Variants in ANGPT2 observed in about 807,000 individuals in gnomAD.
ANGPT2 encodes angiopoietin-2.
A neutral mutation model predicts 62.9 loss-of-function variants in ANGPT2; 28 were observed. The observed-to-expected ratio is 0.44, with a 90% CI of 0.33 to 0.61. The LOEUF is 0.61. ANGPT2 is among the 20% of genes least tolerant of loss of function. The pLI is 0.03. For synonymous variants in ANGPT2, 284 were observed against 207.8 expected (o/e 1.37, Z -3.15); for missense variants, 727 against 594.9 (o/e 1.22, Z -2.31).
At chr8:6,532,306 C>T (rs759673591) in intron 2 of ANGPT2, 26 bp downstream of exon 2, 4 of 1,613,798 alleles carry the variant, frequency 2.5e-6, no homozygotes, top group Non-Finnish European at 2.5e-6. Context: ...GCAGGGACAC[C>T]GTGTGCTTTA....
rs939512385 is a variant in ANGPT2, at chr8:6,522,240, A to G, written c.567-830T>C. ...CGTGGTGGCGGGCGCCTGTAGTCAC[A>G]GCTACTCTGGAGGCTGAGGCAGGAG... On this transcript the variant is annotated intron_variant, in intron 3 of 8. Transcript: ENST00000629816. Among the ~76,000 whole-genome samples the G allele has an allele frequency of 2.5e-4, 38 of 152,164 alleles. 1 individual carries two copies. The highest frequency in any genetic ancestry group is 1.4e-3 in the Admixed American group (22 of 15,292).
chr8:6,509,714 T>C (rs1336967670), intron 7 of ANGPT2, among the ~76,000 whole-genome samples: 1 of 152,174 alleles, frequency 6.6e-6, no homozygotes, highest in Non-Finnish European at 1.5e-5. Flanking sequence ...CCATTTTCTG[T>C]TGAAAATGTT....
intron 5 of ANGPT2, among the ~76,000 whole-genome samples, chr8:6,517,497 A>G (rs1285970927): frequency 6.6e-6 from 1 of 152,240 alleles, no homozygotes. Flanking sequence ...CTAAAGCTGC[A>G]GTATTTTGGC....
intron 3 of ANGPT2, among the ~76,000 whole-genome samples, chr8:6,521,833 C>G (rs1472551729): frequency 6.6e-6 from 1 of 152,146 alleles, no homozygotes; most frequent in Non-Finnish European, 1.5e-5. Context: ...TTCTCCTAAA[C>G]TATTTATATT....
At chr8:6,552,510 T>C (rs1291610264) in intron 1 of ANGPT2, among the ~76,000 whole-genome samples, 1 of 152,246 alleles carries the variant, frequency 6.6e-6, no homozygotes, top group African/African-American at 2.4e-5. Flanking sequence ...TTAGAACATT[T>C]AACCCGATTA....
chr8:6,507,574 T>C (rs902494469), intron 8 of ANGPT2: 4 of 38,350 alleles, frequency 1.0e-4, no homozygotes, highest in African/African-American at 8.1e-4. Context: ...TTTCTTTTCT[T>C]TTTTTTTTTT....
chr8:6,519,986 C>A lies in ANGPT2; in HGVS notation c.805G>T (p.Asp269Tyr), dbSNP rs147113668. 1 of 1,613,290 alleles carries A rather than the reference C, an allele frequency of 6.2e-7. No homozygotes were observed. The highest frequency in any genetic ancestry group is 1.7e-5 in the Admixed American group (1 of 59,898). Residue 269 changes from aspartate (D) to tyrosine (Y), a missense_variant, in exon 5 of 9, where the codon GAC (aspartate) becomes TAC (tyrosine). Asp to Tyr is a radical substitution (Grantham distance 160, BLOSUM62 -3). Transcript: ENST00000629816. Reference sequence around the variant, plus strand: ...TGTTCTTCTTTAGCAACAGTGGGGTCCTTAGCTGCTTTTAAAAAATAGTAA... The same window carrying A: ...TGTTCTTCTTTAGCAACAGTGGGGTACTTAGCTGCTTTTAAAAAATAGTAA... ...LTMMSTSNSK[D>Y]PTVAKEEQIS...
At chr8:6,524,738 C>G (rs989913155) in intron 3 of ANGPT2, among the ~76,000 whole-genome samples, 13 of 152,312 alleles carry the variant, frequency 8.5e-5, no homozygotes, top group Admixed American at 5.9e-4. Flanking sequence ...CTATGAATGT[C>G]TCCCTTGAGG....
In ANGPT2 at chr8:6,500,146, C is replaced by A; in HGVS notation, c.*2955G>T. 5.5e-6 allele frequency: 3 copies of A among 543,968 alleles called. No homozygotes were observed. Among genetic ancestry groups the A allele is most frequent in the South Asian group, 2.1e-5 (1 of 47,298 alleles). 33.7% of individuals were successfully genotyped at this position (543,968 alleles called of 1,614,324 possible). A position where few individuals can be genotyped will look rare whatever the true frequency, so the allele number is the denominator to read the frequency against. ...TGCAAAAAGTAGTGAGGAATGCAGT[C>A]CAAAGAAAATTTGACGATTAACATC... On this transcript the variant is annotated 3_prime_UTR_variant, in exon 9 of 9. Coordinates refer to ENST00000629816, the MANE Select transcript of ANGPT2 (RefSeq NM_001118887.2).
At chr8:6,536,735 A>C (rs961106246) in intron 1 of ANGPT2, among the ~76,000 whole-genome samples, 2 of 152,192 alleles carry the variant, frequency 1.3e-5, no homozygotes, top group Non-Finnish European at 2.9e-5. Context: ...CGTATCAAGG[A>C]TAATGAGAAC....
At chr8:6,505,193 CT>C (rs1336646849) in intron 8 of ANGPT2, among the ~76,000 whole-genome samples, 18 of 126,176 alleles carry the variant, frequency 1.4e-4, no homozygotes, top group African/African-American at 5.1e-4. Flanking sequence ...TATATATATT[CT>C]TATGTATATA....
At chr8:6,530,231 G>A (rs1408727137) in intron 2 of ANGPT2, among the ~76,000 whole-genome samples, 1 of 152,062 alleles carries the variant, frequency 6.6e-6, no homozygotes, top group East Asian at 1.9e-4. Context: ...ATGGTGGCCA[G>A]GTACGGTGGC....
chr8:6,499,706 C>T lies in ANGPT2; in HGVS notation c.*3395G>A, dbSNP rs564670184. The T allele has an allele frequency of 3.9e-5, 27 of 690,720 alleles. No homozygotes were observed. Among genetic ancestry groups the T allele is most frequent in the Non-Finnish European group, 6.2e-5 (24 of 384,102 alleles). 42.8% of individuals were successfully genotyped at this position (690,720 alleles called of 1,614,324 possible). A position where few individuals can be genotyped will look rare whatever the true frequency, so the allele number is the denominator to read the frequency against. On this transcript the variant is annotated 3_prime_UTR_variant, in exon 9 of 9. Coordinates refer to ENST00000629816, the MANE Select transcript of ANGPT2 (RefSeq NM_001118887.2). ...ATAACATTTATGCAACATGAAGATTCTGAAGGGACTTTGTTGTCTGAGAAC... is the reference window on the plus strand; with the variant it reads ...ATAACATTTATGCAACATGAAGATTTTGAAGGGACTTTGTTGTCTGAGAAC...
At position 6,545,058 on chromosome 8, in the gene ANGPT2, A is replaced by T. The variant is rs138008417; in HGVS notation, c.289-12571T>A. On this transcript the variant is annotated intron_variant, in intron 1 of 8. Coordinates refer to ENST00000629816, the MANE Select transcript of ANGPT2 (RefSeq NM_001118887.2). ...TCAAATGAATGCCATCACAGACATC[A>T]TGTTGGGTCACAGAAGCCACACCCT... 2.8e-3 allele frequency among the ~76,000 whole-genome samples: 422 copies of T among 152,274 alleles called. 5 individuals are homozygous for T. Among genetic ancestry groups the T allele is most frequent in the African/African-American group, 8.8e-3 (364 of 41,560 alleles).
chr8:6,521,610 A>G (rs1398154667), intron 3 of ANGPT2, among the ~76,000 whole-genome samples, 200 bp from the exon 4 acceptor site: 2 of 152,364 alleles, frequency 1.3e-5, no homozygotes, highest in Non-Finnish European at 1.5e-5. Context: ...ATGTAAACGT[A>G]TAAGCATATA....
intron 8 of ANGPT2, among the ~76,000 whole-genome samples, chr8:6,506,622 C>G (rs956508019): frequency 1.3e-5 from 2 of 152,002 alleles, no homozygotes; most frequent in African/African-American, 4.8e-5. Context: ...CCCTGCTGTT[C>G]AGCTTTAAAA....
At chr8:6,558,911 G>C (rs1033230561) in intron 1 of ANGPT2, among the ~76,000 whole-genome samples, 1 of 151,806 alleles carries the variant, frequency 6.6e-6, no homozygotes, top group Non-Finnish European at 1.5e-5. Flanking sequence ...TATCGCATAA[G>C]AGATACAGTA....
intron 1 of ANGPT2, among the ~76,000 whole-genome samples, chr8:6,536,150 G>A (rs1307411621): frequency 2.6e-5 from 4 of 152,134 alleles, no homozygotes; most frequent in Non-Finnish European, 5.9e-5. Flanking sequence ...TATATGATGT[G>A]ACAGTCAGGT....
chr8:6,532,571 C>G lies in ANGPT2; in HGVS notation c.289-84G>C, dbSNP rs1819722915. On this transcript the variant is annotated intron_variant, in intron 1 of 8. Coordinates refer to ENST00000629816, the MANE Select transcript of ANGPT2 (RefSeq NM_001118887.2). Reference sequence around the variant, plus strand: ...TAAATGTTTGTCGTCTCCTCCCTATCTTTAAAAAAAAAAAAAAAAAATCTA... The same window carrying G: ...TAAATGTTTGTCGTCTCCTCCCTATGTTTAAAAAAAAAAAAAAAAAATCTA... 7.6e-6 allele frequency: 5 copies of G among 654,958 alleles called. No individual in the cohort carries two copies. The African/African-American group carries it at 1.1e-4, about 14-fold the overall frequency. The allele number at this position is 654,958 out of a possible 1,614,324, so 40.6% of individuals were successfully genotyped here.
Sources: gnomAD v4.1 joint callset for allele counts (sites outside exome capture counted in the v4.1 genomes callset) on GRCh38, gnomAD v4.1.1 for gene constraint, MANE v1.5 for transcripts, NCBI Gene and HGNC (gene_info 2026-07-23, HGNC 2026-07-21) for gene names.